The following CDYL2 variants were observed in gnomAD, a reference collection of about 807,000 sequenced individuals.
The protein encoded by CDYL2 is chromodomain Y like 2, also known as chromodomain Y-like protein 2.
Under a neutral mutation model 49.4 loss-of-function variants are expected in CDYL2, and 23 were observed. The ratio of observed to expected loss-of-function variants is 0.47; its 90% confidence interval spans 0.34 to 0.66. The LOEUF (loss-of-function observed/expected upper bound fraction) is 0.66, where lower values mean the gene tolerates loss of function less well. CDYL2 is among the 30% of genes least tolerant of loss of function. CDYL2 has a pLI of 0.01. For missense variants in CDYL2, 678 were observed against 656.4 expected, an observed-to-expected ratio of 1.03 and a Z score of -0.36; for synonymous variants, 360 against 268.8, an observed-to-expected ratio of 1.34 and a Z score of -3.32.
At chr16:80,610,135 G>A (rs1906528996) in intron 5 of CDYL2, among the ~76,000 whole-genome samples, 1 of 152,168 alleles carries the variant, frequency 6.6e-6, no homozygotes, top group Non-Finnish European at 1.5e-5. Context: ...TATCAAGGAA[G>A]GAAAAGGGAC....
At chr16:80,657,370 T>G (rs983973873) in intron 2 of CDYL2, among the ~76,000 whole-genome samples, 3 of 152,172 alleles carry the variant, frequency 2.0e-5, no homozygotes, top group African/African-American at 7.2e-5. Context: ...GGAAAAACAG[T>G]TGTGTATCAC....
In CDYL2 at chr16:80,648,698, A is replaced by G. The variant is rs1052330871; in HGVS notation, c.617-15462T>C. Among the ~76,000 whole-genome samples the G allele has an allele frequency of 2.6e-5, 4 of 152,014 alleles. No individual in the cohort carries two copies. The East Asian group carries it at 7.7e-4, about 29-fold the overall frequency. On this transcript the variant is annotated intron_variant, in intron 2 of 6. Transcript: ENST00000570137. The stretch of plus-strand genomic sequence containing the variant: ...AATCAGAAAGAAAAAAAATAAAAAA[A>G]AAAAAGAAAACTACTGGCCAGCATC...
chr16:80,632,262 C>G (rs1282587008), intron 3 of CDYL2, among the ~76,000 whole-genome samples: 1 of 152,152 alleles, frequency 6.6e-6, no homozygotes, highest in East Asian at 1.9e-4. Flanking sequence ...TGGATACACA[C>G]TAAAACATGG....
chr16:80,655,988 A>G (rs866421272), intron 2 of CDYL2, among the ~76,000 whole-genome samples: 1 of 152,240 alleles, frequency 6.6e-6, no homozygotes, highest in Non-Finnish European at 1.5e-5. Flanking sequence ...GGACATGGAA[A>G]TAATCCCAGC....
chr16:80,617,969 G>A (rs1181865575), intron 4 of CDYL2, among the ~76,000 whole-genome samples: 1 of 152,126 alleles, frequency 6.6e-6, no homozygotes, highest in Non-Finnish European at 1.5e-5. Flanking sequence ...AGAGTCCCCT[G>A]GGGGTGTTGC....
At position 80,729,942 on chromosome 16, in the gene CDYL2, A is replaced by G. The variant is rs538768350; in HGVS notation, c.25-44813T>C. ...CAACATACCAGAATCTCTGGGACGC[A>G]TTCAAAGCAGTGGGTAGAGGGAAAT... is the stretch of plus-strand genomic sequence containing the variant. On this transcript the variant is annotated intron_variant, in intron 1 of 6. Coordinates refer to ENST00000570137, the MANE Select transcript of CDYL2 (RefSeq NM_152342.4). Among the ~76,000 whole-genome samples, 25 of 152,314 alleles carry G rather than the reference A, an allele frequency of 1.6e-4. No homozygotes were observed. In the East Asian group the frequency reaches 4.8e-3, roughly 29 times the overall value.
intron 2 of CDYL2, among the ~76,000 whole-genome samples, chr16:80,677,192 G>C (rs1017291936): frequency 6.6e-6 from 1 of 151,436 alleles, no homozygotes; most frequent in African/African-American, 2.4e-5. Context: ...GGCTGGTCTT[G>C]AACTCCTGGG....
At chr16:80,676,702 T>C (rs956475527) in intron 2 of CDYL2, among the ~76,000 whole-genome samples, 2 of 152,226 alleles carry the variant, frequency 1.3e-5, no homozygotes, top group Non-Finnish European at 2.9e-5. Flanking sequence ...TGAAGTGAGA[T>C]TGACTTGTAA....
chr16:80,654,401 G>A (rs1011756282), intron 2 of CDYL2, among the ~76,000 whole-genome samples: 3 of 152,184 alleles, frequency 2.0e-5, no homozygotes, highest in Admixed American at 6.5e-5. Flanking sequence ...AATAAATGGT[G>A]GCTCTTATTT....
intron 2 of CDYL2, among the ~76,000 whole-genome samples, chr16:80,669,372 C>T (rs1423134054): frequency 6.6e-6 from 1 of 152,140 alleles, no homozygotes; most frequent in Non-Finnish European, 1.5e-5. Flanking sequence ...TGGCTCTGCC[C>T]TCACTGTAAG....
intron 1 of CDYL2, among the ~76,000 whole-genome samples, chr16:80,725,136 T>C (rs924617203): frequency 6.6e-6 from 1 of 152,030 alleles, no homozygotes; most frequent in Non-Finnish European, 1.5e-5. Context: ...TCCCTTTCAC[T>C]GGAACACTCT....
At chr16:80,719,632 C>T (rs920213927) in intron 1 of CDYL2, among the ~76,000 whole-genome samples, 3 of 152,188 alleles carry the variant, frequency 2.0e-5, no homozygotes, top group East Asian at 1.9e-4. Flanking sequence ...AGTATCTGTA[C>T]CTTGGGTTGC....
intron 3 of CDYL2, among the ~76,000 whole-genome samples, chr16:80,629,011 C>G (rs1907430372): frequency 6.6e-6 from 1 of 152,044 alleles, no homozygotes; most frequent in Admixed American, 6.5e-5. Context: ...ATATAAAGGC[C>G]CCGGGGCAGG....
At chr16:80,804,071 G>C in intron 1 of CDYL2, 79 bp downstream of exon 1, 1 of 929,740 alleles carries the variant, frequency 1.1e-6, no homozygotes, top group Non-Finnish European at 1.3e-6. Flanking sequence ...CCCGGCCCCG[G>C]CCCGGTCCCC....
At chr16:80,644,396 T>A (rs1908241021) in intron 2 of CDYL2, among the ~76,000 whole-genome samples, 2 of 152,248 alleles carry the variant, frequency 1.3e-5, no homozygotes, top group African/African-American at 4.8e-5. Context: ...TGTTCCAATC[T>A]CTGCCTGTTA....
intron 1 of CDYL2, among the ~76,000 whole-genome samples, chr16:80,751,871 T>G (rs1906148719): frequency 6.6e-6 from 1 of 152,172 alleles, no homozygotes; most frequent in South Asian, 2.1e-4. Flanking sequence ...GTGATCTGCC[T>G]CTTCTTTGCC....
intron 1 of CDYL2, among the ~76,000 whole-genome samples, chr16:80,702,526 G>C (rs139346929): frequency 2.6e-5 from 4 of 152,142 alleles, no homozygotes; most frequent in African/African-American, 4.8e-5. Flanking sequence ...AAAGCAGGAG[G>C]ATTGTTTGAG....
rs146176784 is a variant in CDYL2 at position 80,753,209 on chromosome 16, C to T, written c.24+50941G>A. ...GGTCAATAATTTATTAGAAAGAGGA[C>T]AATGTAGTAAGGAAAGAATGGCCTT... On this transcript the variant is annotated intron_variant, in intron 1 of 6. Coordinates refer to ENST00000570137, the MANE Select transcript of CDYL2 (RefSeq NM_152342.4). 2.4e-3 allele frequency among the ~76,000 whole-genome samples: 354 copies of T among 149,742 alleles called. 6 individuals are homozygous for T. The highest frequency in any genetic ancestry group is 0.022 in the Admixed American group (330 of 15,040).
At position 80,601,420 on chromosome 16, in the gene CDYL2, G is replaced by A. The variant is rs990314284; in HGVS notation, c.*2968C>T. The A allele has an allele frequency of 2.0e-5, 3 of 152,188 alleles. No homozygotes were observed. The highest frequency in any genetic ancestry group is 7.2e-5 in the African/African-American group (3 of 41,428). 9.4% of individuals were successfully genotyped at this position (152,188 alleles called of 1,614,324 possible). On this transcript the variant is annotated 3_prime_UTR_variant, in exon 7 of 7. Coordinates refer to ENST00000570137, the MANE Select transcript of CDYL2 (RefSeq NM_152342.4). ...AATTGCAGGACGGGGCTGCCAAAAT[G>A]AGCCGCAATTCCTCAAAGACCTGCC...
Sources: allele counts gnomAD v4.1 joint callset (sites outside exome capture counted in the v4.1 genomes callset), GRCh38; gene constraint gnomAD v4.1.1; transcripts MANE v1.5; gene names NCBI Gene and HGNC (gene_info 2026-07-23, HGNC 2026-07-21).